The following SLC26A7 variants were observed in gnomAD, a reference collection of about 807,000 sequenced individuals.
SLC26A7 encodes the protein solute carrier family 26 member 7, also known as anion exchange transporter.
SLC26A7 carries 59 observed loss-of-function variants against 82.5 expected under a neutral mutation model. The observed-to-expected ratio is 0.72, with a 90% CI of 0.58 to 0.89. SLC26A7 has a LOEUF of 0.89. Among genes scored for constraint, SLC26A7 ranks in the 40% least tolerant of loss-of-function variants. The probability of loss-of-function intolerance (pLI) is 0.00; values close to 1 mark genes in which losing one functional copy is unlikely to be tolerated. For synonymous variants in SLC26A7, 271 were observed against 274.3 expected, an observed-to-expected ratio of 0.99 and a Z score of 0.12; for missense variants, 820 against 793.0, an observed-to-expected ratio of 1.03 and a Z score of -0.41.
intron 11 of SLC26A7, among the ~76,000 whole-genome samples, chr8:91,353,701 T>C (rs1168267827): frequency 6.6e-6 from 1 of 152,054 alleles, no homozygotes; most frequent in East Asian, 1.9e-4. Context: ...GAAATACATA[T>C]TTTCTCTTCT....
intron 4 of SLC26A7, among the ~76,000 whole-genome samples, chr8:91,302,505 T>G (rs1407993096): frequency 4.6e-5 from 7 of 152,156 alleles, no homozygotes; most frequent in African/African-American, 1.7e-4. Context: ...ACCATAATAA[T>G]GTAATGTGAT....
chr8:91,383,812 C>T lies in SLC26A7; in HGVS notation c.1676-5526C>T, dbSNP rs150043318. 5.3e-5 allele frequency among the ~76,000 whole-genome samples: 8 copies of T among 152,292 alleles called. 1 individual carries two copies. Among genetic ancestry groups the T allele is most frequent in the East Asian group, 3.9e-4 (2 of 5,170 alleles). On this transcript the variant is annotated intron_variant, in intron 15 of 18. Coordinates refer to ENST00000276609, the MANE Select transcript of SLC26A7 (RefSeq NM_052832.4). Reference sequence around the variant, plus strand: ...TTAACTTCCAATCATTATCAAGTCTCAGCTCACACATCACATTCTTCCATT... The same window carrying T: ...TTAACTTCCAATCATTATCAAGTCTTAGCTCACACATCACATTCTTCCATT...
chr8:91,359,014 G>A (rs553385663), intron 11 of SLC26A7, among the ~76,000 whole-genome samples: 1 of 152,256 alleles, frequency 6.6e-6, no homozygotes, highest in Admixed American at 6.5e-5. Flanking sequence ...CACCAACATG[G>A]CACATGTTTA....
At position 91,303,420 on chromosome 8, in the gene SLC26A7, A is replaced by T. The variant is rs199598277; in HGVS notation, c.477+7717A>T. On this transcript the variant is annotated intron_variant, in intron 4 of 18. Transcript: ENST00000276609. ...TTTTCTGAAGAAGCCATAGGACAAGATTTCTGCCATGGGGAAATCTAGTTT... is the reference window on the plus strand; with the variant it reads ...TTTTCTGAAGAAGCCATAGGACAAGTTTTCTGCCATGGGGAAATCTAGTTT... Among the ~76,000 whole-genome samples, 8 of 152,162 alleles carry T rather than the reference A, an allele frequency of 5.3e-5. No individual in the cohort carries two copies. In the East Asian group the frequency reaches 1.3e-3, roughly 26 times the overall value.
In SLC26A7 at chr8:91,295,597, A is replaced by G. The variant is rs1399800496; in HGVS notation, c.371A>G (p.Gln124Arg). Residue 124 changes from glutamine (Q) to arginine (R), a missense_variant, in exon 4 of 19, where the codon CAG (glutamine) becomes CGG (arginine). Gln to Arg is a conservative substitution (Grantham distance 43, BLOSUM62 1). Coordinates refer to ENST00000276609, the MANE Select transcript of SLC26A7 (RefSeq NM_052832.4). ...GAACGGATTGTCCCTCAGAACATGC[A>G]GAATCTCACCACACAGAGTAACACA... ...AVERIVPQNM[Q>R]NLTTQSNTSV... is the part of the protein sequence containing the mutation. The G allele has an allele frequency of 1.2e-6, 2 of 1,614,028 alleles. No homozygotes were observed. The highest frequency in any genetic ancestry group is 2.7e-5 in the African/African-American group (2 of 74,930).
chr8:91,240,855 G>A (rs1304419048), intron 2 of SLC26A7, among the ~76,000 whole-genome samples: 1 of 152,112 alleles, frequency 6.6e-6, no homozygotes, highest in Admixed American at 6.6e-5. Flanking sequence ...CTAGACATCA[G>A]TAAGTGTTGT....
chr8:91,306,961 A>T (rs1464822629), intron 4 of SLC26A7, among the ~76,000 whole-genome samples: 2 of 149,300 alleles, frequency 1.3e-5, no homozygotes, highest in Non-Finnish European at 3.0e-5. Context: ...AGAAAAAAAC[A>T]AACAACCCCA....
intron 2 of SLC26A7, among the ~76,000 whole-genome samples, chr8:91,242,943 A>G (rs887104179): frequency 2.6e-5 from 4 of 152,224 alleles, no homozygotes; most frequent in African/African-American, 7.2e-5. Flanking sequence ...GACTAGATTC[A>G]AGATATCAAA....
At chr8:91,381,754 CT>C (rs1414867980) in intron 15 of SLC26A7, among the ~76,000 whole-genome samples, 1 of 152,130 alleles carries the variant, frequency 6.6e-6, no homozygotes, top group African/African-American at 2.4e-5. Flanking sequence ...CCTCTTATCT[CT>C]CTCTCTTGTT....
intron 2 of SLC26A7, among the ~76,000 whole-genome samples, chr8:91,225,760 GT>G (rs1810230038): frequency 7.0e-6 from 1 of 143,404 alleles, no homozygotes; most frequent in East Asian, 2.1e-4. Context: ...TCTATCTCAG[GT>G]GACACAAAAG....
intron 18 of SLC26A7, chr8:91,394,800 T>G: frequency 1.1e-6 from 1 of 918,288 alleles, no homozygotes; most frequent in Non-Finnish European, 1.5e-6. Context: ...ATGAGGTAGA[T>G]ATGATAATTT....
Position 91,318,392 on chromosome 8 carries a change from G to A in SLC26A7, c.642+12G>A, listed in dbSNP as rs146827500. On this transcript the variant is annotated intron_variant, in intron 5 of 18. Coordinates refer to ENST00000276609, the MANE Select transcript of SLC26A7 (RefSeq NM_052832.4). ...TTGGATTCTTTTATGTGAGTTTTTC[G>A]TATGCTTTCATACATATCTTTTGAA... 1.2e-4 allele frequency: 185 copies of A among 1,590,752 alleles called. 1 individual carries two copies. In the African/African-American group the frequency reaches 1.3e-3, roughly 12 times the overall value.
At chr8:91,321,256 C>T (rs1812782277) in intron 5 of SLC26A7, among the ~76,000 whole-genome samples, 1 of 152,174 alleles carries the variant, frequency 6.6e-6, no homozygotes, top group Non-Finnish European at 1.5e-5. Flanking sequence ...CAATTTGAAT[C>T]AGATACATGT....
intron 5 of SLC26A7, among the ~76,000 whole-genome samples, chr8:91,329,826 C>T (rs557955311): frequency 6.6e-6 from 1 of 152,204 alleles, no homozygotes; most frequent in Admixed American, 6.6e-5. Context: ...TACATCGTCT[C>T]TATCCCCTTT....
At chr8:91,321,880 G>A (rs1812799810) in intron 5 of SLC26A7, among the ~76,000 whole-genome samples, 1 of 142,478 alleles carries the variant, frequency 7.0e-6, no homozygotes, top group African/African-American at 2.5e-5. Context: ...GCTAATGACC[G>A]AGTGTCTTTG....
At chr8:91,290,529 G>A (rs1268719902) in intron 3 of SLC26A7, among the ~76,000 whole-genome samples, 3 of 152,140 alleles carry the variant, frequency 2.0e-5, no homozygotes, top group Non-Finnish European at 4.4e-5. Flanking sequence ...TAAACATGCA[G>A]TATCGCATCT....
intron 2 of SLC26A7, among the ~76,000 whole-genome samples, chr8:91,231,180 G>C (rs1486750785): frequency 6.6e-6 from 1 of 152,128 alleles, no homozygotes; most frequent in Non-Finnish European, 1.5e-5. Context: ...ATGCTAACTG[G>C]ACATTAGTGG....
chr8:91,387,397 C>T (rs1814829313), intron 15 of SLC26A7, among the ~76,000 whole-genome samples: 1 of 152,112 alleles, frequency 6.6e-6, no homozygotes. Context: ...TCTAGTTTAC[C>T]ATTTCAGGCC....
intron 16 of SLC26A7, among the ~76,000 whole-genome samples, chr8:91,390,655 T>C (rs1326746415): frequency 6.6e-6 from 1 of 151,946 alleles, no homozygotes; most frequent in East Asian, 1.9e-4. Context: ...TGGCTTGACA[T>C]TGAGCCAAAT....
Sources: gnomAD v4.1 joint callset for allele counts (sites outside exome capture counted in the v4.1 genomes callset) on GRCh38, gnomAD v4.1.1 for gene constraint, MANE v1.5 for transcripts, NCBI Gene and HGNC (gene_info 2026-07-23, HGNC 2026-07-21) for gene names.